ATXN10: variants seen among roughly 807,000 people sequenced by gnomAD.
The protein encoded by ATXN10 is ataxin-10.
A neutral mutation model predicts 52.9 loss-of-function variants in ATXN10; 28 were observed. The observed-to-expected ratio is 0.53, with a 90% confidence interval of 0.39 to 0.73. ATXN10 has a LOEUF of 0.73. Ranked by LOEUF, ATXN10 falls within the 30% of genes least tolerant of loss-of-function variation. The pLI is 0.00. For synonymous variants in ATXN10, 226 were observed against 221.5 expected (o/e 1.02, Z -0.18); for missense variants, 565 against 577.0 (o/e 0.98, Z 0.21).
intron 9 of ATXN10, among the ~76,000 whole-genome samples, chr22:45,755,144 A>C (rs915840632): frequency 6.6e-6 from 1 of 152,158 alleles, no homozygotes; most frequent in African/African-American, 2.4e-5. Context: ...CTTGTTCAGG[A>C]CTTCCTGTGC....
At position 45,701,113 on chromosome 22, in the gene ATXN10, A is replaced by G. The variant is rs937217966; in HGVS notation, c.488+735A>G. Among the ~76,000 whole-genome samples the G allele has an allele frequency of 3.9e-4, 59 of 152,200 alleles. No homozygotes were observed. Among genetic ancestry groups the G allele is most frequent in the African/African-American group, 1.4e-3 (57 of 41,438 alleles). ...GCTTTGAATCTAGGCTTTGGTGCCA[A>G]TGAATGGGGTGACTTTGATGGTTGC... On this transcript the variant is annotated intron_variant, in intron 4 of 11. Coordinates refer to ENST00000252934, the MANE Select transcript of ATXN10 (RefSeq NM_013236.4). This position sits in a 1 kb window ranked among gnomAD's most constrained non-coding sequence, Gnocchi z 4.2.
In ATXN10 at chr22:45,672,144, C is replaced by G. The variant is rs1322103546; in HGVS notation, c.81C>G (p.Arg27=). 14 of 1,539,804 alleles carry G rather than the reference C, an allele frequency of 9.1e-6. No individual in the cohort carries two copies. Among genetic ancestry groups the G allele is most frequent in the Middle Eastern group, 3.6e-4 (2 of 5,508 alleles). Residue 27 remains arginine, a synonymous_variant, in exon 1 of 12, where the codon CGC becomes CGG. Transcript: ENST00000252934. ...CCATCCAAGACCTGGAGGCCCTGCG[C>G]GCGCTCACGGCGCTCTTCAAAGAGC... ...PAPIQDLEAL[R]ALTALFKEQR...
At chr22:45,709,530 C>T (rs1924164966) in intron 5 of ATXN10, among the ~76,000 whole-genome samples, 1 of 152,160 alleles carries the variant, frequency 6.6e-6, no homozygotes, top group Admixed American at 6.5e-5. Context: ...TTGTAAGGCA[C>T]ATTTCCTGCT....
intron 3 of ATXN10, 97 bp from the exon 4 acceptor site, chr22:45,700,185 C>A: frequency 1.1e-6 from 1 of 920,560 alleles, no homozygotes. Flanking sequence ...CAAGCAGAAA[C>A]TTTCTGTTTA....
At position 45,733,673 on chromosome 22, in the gene ATXN10, G is replaced by A. The variant is rs146677426; in HGVS notation, c.894+4083G>A. Among the ~76,000 whole-genome samples the A allele has an allele frequency of 6.6e-6, 1 of 151,782 alleles. No homozygotes were observed. Among genetic ancestry groups the A allele is most frequent in the African/African-American group, 2.4e-5 (1 of 41,312 alleles). Reference sequence around the variant, plus strand: ...TCGGGAGGCGGAGGCAGAGAATCACGTGAACCCGGGAGGCGGAGGTTGCTG... The same window carrying A: ...TCGGGAGGCGGAGGCAGAGAATCACATGAACCCGGGAGGCGGAGGTTGCTG... On this transcript the variant is annotated intron_variant, in intron 7 of 11. Coordinates refer to ENST00000252934, the MANE Select transcript of ATXN10 (RefSeq NM_013236.4). The surrounding 1 kb of genome is among the most constrained non-coding windows in gnomAD (Gnocchi z 4.4).
chr22:45,718,380 A>G lies in ATXN10; in HGVS notation c.648-33A>G. The G allele has an allele frequency of 6.5e-7, 1 of 1,546,012 alleles. No homozygotes were observed. The highest frequency in any genetic ancestry group is 8.9e-7 in the Non-Finnish European group (1 of 1,117,970). On this transcript the variant is annotated intron_variant, in intron 5 of 11. Transcript: ENST00000252934. The surrounding 1 kb of genome is among the most constrained non-coding windows in gnomAD (Gnocchi z 4.4). ...GGCATGTCTCTTTTACTATGTTTCA[A>G]GTAACCAAACTTTCCTCCTCTTTTT...
rs136024 is a variant in ATXN10 at position 45,830,990 on chromosome 22, A to G, written c.1238-12001A>G. On this transcript the variant is annotated intron_variant, in intron 10 of 11. Transcript: ENST00000252934. ...TGTCCACCAAAGGATGAGTGGATAAACAAAATGTGGCCTCTACATTTACTG... is the reference window on the plus strand; with the variant it reads ...TGTCCACCAAAGGATGAGTGGATAAGCAAAATGTGGCCTCTACATTTACTG... Among the ~76,000 whole-genome samples the G allele has an allele frequency of 7.0e-3, 1,059 of 152,306 alleles. 9 individuals are homozygous for G. Among genetic ancestry groups the G allele is most frequent in the African/African-American group, 0.024 (1,007 of 41,560 alleles).
At chr22:45,812,687 G>A (rs1047591296) in intron 10 of ATXN10, among the ~76,000 whole-genome samples, 2 of 152,168 alleles carry the variant, frequency 1.3e-5, no homozygotes, top group Non-Finnish European at 2.9e-5. Context: ...GCTGAGACTA[G>A]GAATTAGTGC....
At chr22:45,793,439 G>A (rs891485002) in intron 9 of ATXN10, 12 of 545,004 alleles carry the variant, frequency 2.2e-5, no homozygotes, top group Middle Eastern at 4.1e-4. Context: ...GGGTAACAAT[G>A]GTAGCAGAGT....
chr22:45,708,623 GTTTTAGCCTCTTTTGGTGTAAAC>G lies in ATXN10; in HGVS notation c.647+5781_647+5803del, dbSNP rs1924128447. Among the ~76,000 whole-genome samples the G allele has an allele frequency of 6.6e-6, 1 of 151,662 alleles. No individual in the cohort carries two copies. The highest frequency in any genetic ancestry group is 2.1e-4 in the South Asian group (1 of 4,820). On this transcript the variant is annotated intron_variant, in intron 5 of 11. Transcript: ENST00000252934. This position sits in a 1 kb window ranked among gnomAD's most constrained non-coding sequence, Gnocchi z 5.3. ...AAAGGTGAGGCATGAACTCTTTTCA[GTTTTAGCCTCTTTTGGTGTAAAC>G]TTTTTCTTTTTGAGACAGAGTCTCA...
Position 45,762,987 on chromosome 22 carries a change from G to T in ATXN10, c.1173+22449G>T, listed in dbSNP as rs1313309318. ...CATCCGGAATCAGACCATCCTCAGG[G>T]GATTGGAATGCACAGAAGCATTTAA... is the stretch of plus-strand genomic sequence containing the variant. On this transcript the variant is annotated intron_variant, in intron 9 of 11. Coordinates refer to ENST00000252934, the MANE Select transcript of ATXN10 (RefSeq NM_013236.4). The surrounding 1 kb of genome is among the most constrained non-coding windows in gnomAD (Gnocchi z 4.3). Among the ~76,000 whole-genome samples, 1 of 152,214 alleles carries T rather than the reference G, an allele frequency of 6.6e-6. No homozygotes were observed.
At chr22:45,699,490 C>CTTTT (rs917191404) in intron 3 of ATXN10, among the ~76,000 whole-genome samples, 28 of 117,272 alleles carry the variant, frequency 2.4e-4, no homozygotes, top group African/African-American at 5.2e-4. Flanking sequence ...TTTTTCTTTC[C>CTTTT]TTTTTTTTTT....
chr22:45,780,688 C>A lies in ATXN10; in HGVS notation c.1174-26271C>A, dbSNP rs569361671. Among the ~76,000 whole-genome samples, 53 of 152,168 alleles carry A rather than the reference C, an allele frequency of 3.5e-4. No homozygotes were observed. Among genetic ancestry groups the A allele is most frequent in the Non-Finnish European group, 6.0e-4 (41 of 68,026 alleles). The stretch of plus-strand genomic sequence containing the variant: ...TTTATTTTTGTTTGCACAAATATAT[C>A]CTAATCTTCTGAAATTTAAACCTGG... On this transcript the variant is annotated intron_variant, in intron 9 of 11. Coordinates refer to ENST00000252934, the MANE Select transcript of ATXN10 (RefSeq NM_013236.4). The surrounding 1 kb of genome is among the most constrained non-coding windows in gnomAD (Gnocchi z 4.0).
At position 45,770,616 on chromosome 22, in the gene ATXN10, C is replaced by CAGTGA. The variant is rs1388270829; in HGVS notation, c.1173+30080_1173+30081insTGAAG. Among the ~76,000 whole-genome samples the CAGTGA allele has an allele frequency of 6.6e-6, 1 of 152,218 alleles. No homozygotes were observed. The highest frequency in any genetic ancestry group is 1.9e-4 in the East Asian group (1 of 5,196). On this transcript the variant is annotated intron_variant, in intron 9 of 11. Transcript: ENST00000252934. This position sits in a 1 kb window ranked among gnomAD's most constrained non-coding sequence, Gnocchi z 4.5. ...GAATGGACCAGACCTGAGGGCTTCA[C>CAGTGA]AGAGAGCCACGTCCACATATGCGAG...
In ATXN10 at chr22:45,759,156, G is replaced by T. The variant is rs774618906; in HGVS notation, c.1173+18618G>T. Among the ~76,000 whole-genome samples the T allele has an allele frequency of 3.9e-5, 6 of 152,166 alleles. No individual in the cohort carries two copies. Among genetic ancestry groups the T allele is most frequent in the Non-Finnish European group, 8.8e-5 (6 of 68,030 alleles). On this transcript the variant is annotated intron_variant, in intron 9 of 11. Coordinates refer to ENST00000252934, the MANE Select transcript of ATXN10 (RefSeq NM_013236.4). This position sits in a 1 kb window ranked among gnomAD's most constrained non-coding sequence, Gnocchi z 5.4. ...TATGCGAGGTGCTGGAGAGAAGGAA[G>T]GGGAAGAAAAGGTCCTCACCCTCAA...
chr22:45,707,762 T>A (rs1239034907), intron 5 of ATXN10, among the ~76,000 whole-genome samples: 1 of 152,070 alleles, frequency 6.6e-6, no homozygotes, highest in Non-Finnish European at 1.5e-5. Context: ...TGATCACTTC[T>A]GCAGTCCAGG....
intron 10 of ATXN10, among the ~76,000 whole-genome samples, chr22:45,807,308 T>C (rs1928132973): frequency 6.6e-6 from 1 of 152,218 alleles, no homozygotes; most frequent in South Asian, 2.1e-4. Context: ...TGCAAGGCAC[T>C]GTGCTGCGCA....
rs79033695 is a variant in ATXN10, at chr22:45,727,168, G to T, written c.729-2257G>T. On this transcript the variant is annotated intron_variant, in intron 6 of 11. Coordinates refer to ENST00000252934, the MANE Select transcript of ATXN10 (RefSeq NM_013236.4). This position sits in a 1 kb window ranked among gnomAD's most constrained non-coding sequence, Gnocchi z 4.6. ...TATTTTGAATAACTTTTAAATGTCC[G>T]TCTTGATTTCATTGTTAACCCCCAA... Among the ~76,000 whole-genome samples, 10 of 152,048 alleles carry T rather than the reference G, an allele frequency of 6.6e-5. No homozygotes were observed. Among genetic ancestry groups the T allele is most frequent in the Non-Finnish European group, 1.3e-4 (9 of 67,972 alleles).
chr22:45,811,915 C>T (rs1202918507), intron 10 of ATXN10: 4 of 390,830 alleles, frequency 1.0e-5, no homozygotes, highest in Non-Finnish European at 2.1e-5. Context: ...TTCACAGAGC[C>T]TCCTAGACGG....
Sources: gnomAD v4.1 joint callset for allele counts (sites outside exome capture counted in the v4.1 genomes callset) on GRCh38, gnomAD v4.1.1 for gene constraint, Gnocchi (gnomAD v3.1) non-coding constraint, MANE v1.5 for transcripts, NCBI Gene and HGNC (gene_info 2026-07-23, HGNC 2026-07-21) for gene names.